Variants in GULP1 observed in about 807,000 individuals in gnomAD.
GULP1 encodes GULP PTB domain containing engulfment adaptor 1.
GULP1 carries 19 observed loss-of-function variants against 40.9 expected under a neutral mutation model. The ratio of observed to expected loss-of-function variants is 0.46; its 90% CI spans 0.32 to 0.68. The LOEUF is 0.68. Ranked by LOEUF, GULP1 falls within the 30% of genes least tolerant of loss-of-function variation. The probability of loss-of-function intolerance (pLI) is 0.03; values close to 1 mark genes in which losing one functional copy is unlikely to be tolerated. For synonymous variants in GULP1, 119 were observed against 117.6 expected, an observed-to-expected ratio of 1.01 and a Z score of -0.08; for missense variants, 312 against 362.2, an observed-to-expected ratio of 0.86 and a Z score of 1.12.
chr2:188,304,164 A>T (rs574168636), intron 1 of GULP1, among the ~76,000 whole-genome samples: 1 of 152,296 alleles, frequency 6.6e-6, no homozygotes, highest in East Asian at 1.9e-4. Context: ...ATATAAAATG[A>T]GGGAAAGGAT....
chr2:188,375,990 C>T (rs563998383), intron 1 of GULP1, among the ~76,000 whole-genome samples: 1 of 152,004 alleles, frequency 6.6e-6, no homozygotes, highest in Non-Finnish European at 1.5e-5. Flanking sequence ...AAAGCCAGCC[C>T]TCCATATCCA....
chr2:188,383,025 C>T (rs183449525), intron 1 of GULP1, among the ~76,000 whole-genome samples: 21 of 152,246 alleles, frequency 1.4e-4, no homozygotes, highest in Admixed American at 2.6e-4. Flanking sequence ...GGGCACAAGA[C>T]TTAGATATGT....
chr2:188,494,753 T>C (rs1264348980), intron 4 of GULP1, among the ~76,000 whole-genome samples: 2 of 152,058 alleles, frequency 1.3e-5, no homozygotes, highest in Non-Finnish European at 2.9e-5. Flanking sequence ...GCGTGACTTT[T>C]GGTTTGTCTT....
intron 2 of GULP1, among the ~76,000 whole-genome samples, chr2:188,402,175 G>A (rs1414483856): frequency 6.6e-6 from 1 of 152,122 alleles, no homozygotes; most frequent in African/African-American, 2.4e-5. Flanking sequence ...GATAATTAAT[G>A]CCTTGTAATA....
intron 2 of GULP1, among the ~76,000 whole-genome samples, chr2:188,448,972 C>A (rs574456811): frequency 6.6e-6 from 1 of 152,238 alleles, no homozygotes; most frequent in South Asian, 2.1e-4. Flanking sequence ...ATGCCAGTGC[C>A]ATGCTTGGAC....
At chr2:188,584,477 G>A in intron 10 of GULP1, 74 bp downstream of exon 10, 1 of 712,822 alleles carries the variant, frequency 1.4e-6, no homozygotes, top group Non-Finnish European at 2.2e-6. Context: ...AGACTTTGTG[G>A]GAAATTACAT....
chr2:188,538,052 T>C (rs1490960625), intron 6 of GULP1, among the ~76,000 whole-genome samples: 3 of 152,118 alleles, frequency 2.0e-5, no homozygotes, highest in Admixed American at 2.0e-4. Context: ...TGTTTCTCAT[T>C]GTACTTTTTG....
chr2:188,514,080 T>TGTGTGTGTGTGC (rs1553577868), intron 4 of GULP1, among the ~76,000 whole-genome samples: 7 of 148,658 alleles, frequency 4.7e-5, no homozygotes, highest in Non-Finnish European at 1.1e-4. Context: ...TGTGTGTGTG[T>TGTGTGTGTGTGC]GTGCGCCCTG....
At chr2:188,557,775 T>G (rs1311129103) in intron 7 of GULP1, among the ~76,000 whole-genome samples, 1 of 152,178 alleles carries the variant, frequency 6.6e-6, no homozygotes, top group Non-Finnish European at 1.5e-5. Context: ...GCAGCAAGGC[T>G]CGCTTCTTAC....
chr2:188,297,251 CT>C (rs1392803321), intron 1 of GULP1, among the ~76,000 whole-genome samples: 9 of 151,768 alleles, frequency 5.9e-5, no homozygotes, highest in Admixed American at 1.3e-4. Flanking sequence ...TACCTACATT[CT>C]TTGTTGTAGG....
At chr2:188,496,291 C>T (rs1201525284) in intron 4 of GULP1, among the ~76,000 whole-genome samples, 1 of 151,990 alleles carries the variant, frequency 6.6e-6, no homozygotes, top group African/African-American at 2.4e-5. Context: ...CCAGAGTTTG[C>T]ATTTATTTCC....
chr2:188,397,893 A>C (rs192982386), intron 2 of GULP1, among the ~76,000 whole-genome samples: 1 of 152,246 alleles, frequency 6.6e-6, no homozygotes, highest in African/African-American at 2.4e-5. Context: ...TTATAACCAA[A>C]TCTAGGAAAT....
chr2:188,359,245 GTTATAC>G lies in GULP1; in HGVS notation c.-171-24512_-171-24507del, dbSNP rs201819858. On this transcript the variant is annotated intron_variant, in intron 1 of 11. Coordinates refer to ENST00000409830, the MANE Select transcript of GULP1 (RefSeq NM_016315.4). ...TATTCTTTCAAAAGATATTTATTGAGTTATACTTATATGCCATGCATTGTACCAACT... is the reference window on the plus strand; with the variant it reads ...TATTCTTTCAAAAGATATTTATTGAGTTATATGCCATGCATTGTACCAACT... 2.7e-3 allele frequency among the ~76,000 whole-genome samples: 410 copies of G among 152,078 alleles called. 1 individual carries two copies. The highest frequency in any genetic ancestry group is 9.0e-3 in the African/African-American group (375 of 41,494).
chr2:188,561,712 G>A (rs145775638), intron 7 of GULP1, among the ~76,000 whole-genome samples: 253 of 152,278 alleles, frequency 1.7e-3, no homozygotes, highest in Non-Finnish European at 2.7e-3. Flanking sequence ...TAGTAGCCAC[G>A]CTGAGGCCCC....
intron 1 of GULP1, among the ~76,000 whole-genome samples, chr2:188,381,923 T>C (rs1303920121): frequency 6.6e-6 from 1 of 152,196 alleles, no homozygotes; most frequent in African/African-American, 2.4e-5. Context: ...TAAGATCCAG[T>C]GAATGCTAAG....
chr2:188,526,168 A>G (rs1007322954), intron 5 of GULP1, among the ~76,000 whole-genome samples: 1 of 152,164 alleles, frequency 6.6e-6, no homozygotes, highest in Non-Finnish European at 1.5e-5. Context: ...TCAGTAGTAT[A>G]TATTTAACCA....
At chr2:188,491,135 G>C (rs909852735) in intron 4 of GULP1, among the ~76,000 whole-genome samples, 3 of 152,000 alleles carry the variant, frequency 2.0e-5, no homozygotes, top group African/African-American at 7.2e-5. Flanking sequence ...GCTAGAGAAT[G>C]TAAAGAAAGA....
intron 10 of GULP1, among the ~76,000 whole-genome samples, chr2:188,586,134 C>T (rs1403838781): frequency 6.6e-6 from 1 of 152,110 alleles, no homozygotes; most frequent in Non-Finnish European, 1.5e-5. Flanking sequence ...CTGCTAGTCT[C>T]TTTGCTGAAG....
chr2:188,578,707 T>C (rs887009948), intron 9 of GULP1, among the ~76,000 whole-genome samples: 4 of 152,100 alleles, frequency 2.6e-5, no homozygotes, highest in African/African-American at 9.7e-5. Context: ...TGCATGTTCC[T>C]AAAGACCAAA....
Sources: allele counts gnomAD v4.1 joint callset (sites outside exome capture counted in the v4.1 genomes callset), GRCh38; gene constraint gnomAD v4.1.1; transcripts MANE v1.5; gene names NCBI Gene and HGNC (gene_info 2026-07-23, HGNC 2026-07-21).